PNKD: variants seen among roughly 807,000 people sequenced by gnomAD.
PNKD encodes probable thioesterase PNKD.
PNKD carries 36 observed loss-of-function variants against 45.3 expected under a neutral mutation model. That is an observed-to-expected ratio of 0.80 (90% CI 0.61 to 1.05). PNKD has a LOEUF of 1.05. Among genes scored for constraint, PNKD ranks in the 50% least tolerant of loss-of-function variants. The pLI, the probability that PNKD is intolerant of heterozygous loss-of-function variation, is 0.00. For synonymous variants in PNKD, 197 were observed against 210.1 expected (o/e 0.94, Z 0.54); for missense variants, 511 against 506.6 (o/e 1.01, Z -0.08).
At chr2:218,330,139 C>G (rs911059457) in intron 2 of PNKD, among the ~76,000 whole-genome samples, 1 of 152,176 alleles carries the variant, frequency 6.6e-6, no homozygotes, top group Non-Finnish European at 1.5e-5. Context: ...GCAGGTGACC[C>G]TGGCAATAGG....
intron 2 of PNKD, among the ~76,000 whole-genome samples, chr2:218,302,012 T>G (rs187531357): frequency 4.6e-5 from 7 of 152,292 alleles, no homozygotes; most frequent in Middle Eastern, 3.4e-3. Flanking sequence ...CTTTACAAAC[T>G]GTAATACATG....
chr2:218,271,339 TTCTCA>T, intron 1 of PNKD, 37 bp from the exon 2 acceptor site: 10 of 1,594,642 alleles, frequency 6.3e-6, no homozygotes, highest in Non-Finnish European at 8.6e-6. Context: ...GCTTGCTTTC[TTCTCA>T]TCTCTTCTTA....
chr2:218,294,476 C>A (rs969576322), intron 2 of PNKD, among the ~76,000 whole-genome samples: 1 of 152,168 alleles, frequency 6.6e-6, no homozygotes, highest in African/African-American at 2.4e-5. Flanking sequence ...AAGGAACAAA[C>A]AGACACCGCC....
chr2:218,303,370 T>G (rs1415597526), intron 2 of PNKD, among the ~76,000 whole-genome samples: 1 of 152,092 alleles, frequency 6.6e-6, no homozygotes, highest in African/African-American at 2.4e-5. Context: ...TGAGTGATTT[T>G]GAGCAGGGCT....
At chr2:218,318,950 C>CTTTTTTTTTTTTTTTTTTTTTTTT in intron 2 of PNKD, among the ~76,000 whole-genome samples, 2 of 99,904 alleles carry the variant, frequency 2.0e-5, no homozygotes, top group Non-Finnish European at 3.7e-5. Context: ...TTTTTTTTTT[C>CTTTTTTTTTTTTTTTTTTTTTTTT]TTTTTTTTTT....
intron 2 of PNKD, among the ~76,000 whole-genome samples, chr2:218,339,469 G>A (rs552128903): frequency 6.6e-6 from 1 of 151,714 alleles, no homozygotes; most frequent in Non-Finnish European, 1.5e-5. Flanking sequence ...CAGGTGATCC[G>A]CCCACCTCGG....
intron 2 of PNKD, among the ~76,000 whole-genome samples, chr2:218,289,213 G>A (rs764831395): frequency 1.5e-4 from 23 of 150,528 alleles, no homozygotes; most frequent in Non-Finnish European, 3.0e-4. Context: ...TTTCCCCTGC[G>A]GAAAGTTGAT....
At chr2:218,285,025 G>A (rs1211141418) in intron 2 of PNKD, among the ~76,000 whole-genome samples, 1 of 152,230 alleles carries the variant, frequency 6.6e-6, no homozygotes. Flanking sequence ...GGGAGGCGGA[G>A]ATTCCAGTGA....
chr2:218,302,922 T>G (rs1472416711), intron 2 of PNKD, among the ~76,000 whole-genome samples: 1 of 151,562 alleles, frequency 6.6e-6, no homozygotes, highest in African/African-American at 2.4e-5. Context: ...GGCCTGGAGG[T>G]TTTTTTTCTG....
chr2:218,335,655 AAAG>A (rs1383054428), intron 2 of PNKD, among the ~76,000 whole-genome samples: 6 of 152,328 alleles, frequency 3.9e-5, no homozygotes, highest in South Asian at 2.1e-4. Context: ...ACCAAAAAAA[AAAG>A]AAGGCCTACG....
intron 2 of PNKD, chr2:218,277,447 G>A (rs1381991618): frequency 1.9e-6 from 3 of 1,614,160 alleles, no homozygotes; most frequent in Non-Finnish European, 2.5e-6. Flanking sequence ...CTTTGGTTTG[G>A]TACATACTGG....
intron 2 of PNKD, among the ~76,000 whole-genome samples, chr2:218,330,212 C>T (rs1401744781): frequency 6.6e-6 from 1 of 152,176 alleles, no homozygotes; most frequent in East Asian, 1.9e-4. Context: ...GCCTTCCACC[C>T]TCCTTCCTAC....
At chr2:218,336,752 AT>A (rs1340028428) in intron 2 of PNKD, among the ~76,000 whole-genome samples, 1 of 140,200 alleles carries the variant, frequency 7.1e-6, no homozygotes, top group East Asian at 2.3e-4. Flanking sequence ...AAGTGCTGGG[AT>A]TACAGGAGTG....
chr2:218,288,454 G>A (rs552446407), intron 2 of PNKD, among the ~76,000 whole-genome samples: 2 of 152,126 alleles, frequency 1.3e-5, no homozygotes, highest in East Asian at 3.9e-4. Context: ...AAAATAACTA[G>A]GGAAGGAAGG....
rs78618435 is a variant in PNKD, at chr2:218,333,069, T to C, written c.237-6714T>C. Among the ~76,000 whole-genome samples the C allele has an allele frequency of 1.4e-3, 214 of 152,338 alleles. 1 individual carries two copies. In the East Asian group the frequency reaches 0.035, roughly 25 times the overall value. ...CGAGGCCTTCCCTGGGCACCCTGTC[T>C]ACAGTAGGGCCTCTTCCCTTCCGGC... is the stretch of plus-strand genomic sequence containing the variant. On this transcript the variant is annotated intron_variant, in intron 2 of 9. Transcript: ENST00000273077.
At chr2:218,305,480 A>G (rs1295771200) in intron 2 of PNKD, among the ~76,000 whole-genome samples, 3 of 151,834 alleles carry the variant, frequency 2.0e-5, no homozygotes, top group Non-Finnish European at 4.4e-5. Context: ...CCACTCAAGT[A>G]ACTGGGACCA....
At chr2:218,324,930 C>T (rs112273237) in intron 2 of PNKD, among the ~76,000 whole-genome samples, 22,893 of 146,890 alleles carry the variant, frequency 0.16, 4,385 homozygotes, top group African/African-American at 0.46. Context: ...AGTGAGACTC[C>T]GTCTCAAAAA....
At chr2:218,317,415 G>A (rs1693845148) in intron 2 of PNKD, among the ~76,000 whole-genome samples, 1 of 152,238 alleles carries the variant, frequency 6.6e-6, no homozygotes, top group Non-Finnish European at 1.5e-5. Flanking sequence ...GCAGGAATCA[G>A]GCAGGAAGAC....
At chr2:218,271,590 C>T (rs780484904) in intron 2 of PNKD, 41 bp downstream of exon 2, 17 of 1,564,780 alleles carry the variant, frequency 1.1e-5, no homozygotes, top group Admixed American at 8.5e-5. Flanking sequence ...CGGGGCGTGG[C>T]TTGTAGGGGA....
Sources: gnomAD v4.1 joint callset for allele counts (sites outside exome capture counted in the v4.1 genomes callset) on GRCh38, gnomAD v4.1.1 for gene constraint, MANE v1.5 for transcripts, NCBI Gene and HGNC (gene_info 2026-07-23, HGNC 2026-07-21) for gene names.